The following PRELID2 variants were observed in gnomAD, a reference collection of about 807,000 sequenced individuals.
The protein encoded by PRELID2 is PRELI domain-containing protein 2.
PRELID2 carries 25 observed loss-of-function variants against 28.4 expected under a neutral mutation model. That is an observed-to-expected ratio of 0.88 (90% CI 0.64 to 1.23). The LOEUF (loss-of-function observed/expected upper bound fraction) is 1.23. PRELID2 is among the 50% of genes most tolerant of loss of function. PRELID2 has a pLI of 0.00. For synonymous variants in PRELID2, 76 were observed against 71.6 expected (o/e 1.06, Z -0.31); for missense variants, 201 against 214.4 (o/e 0.94, Z 0.39).
At chr5:145,341,163 G>C in the PRELID2 span, among the ~76,000 whole-genome samples, 1 of 151,466 alleles carries the variant, frequency 6.6e-6, no homozygotes, top group Non-Finnish European at 1.5e-5. Context: ...TACCAGATGT[G>C]CAAATATCAG....
the PRELID2 span, among the ~76,000 whole-genome samples, chr5:145,359,174 T>C: frequency 6.6e-6 from 1 of 152,226 alleles, no homozygotes; most frequent in Admixed American, 6.5e-5. Context: ...TGATTAAGCC[T>C]GTGCTTGACA....
chr5:145,632,041 C>T (rs1241147075), intron 1 of PRELID2, among the ~76,000 whole-genome samples: 1 of 152,188 alleles, frequency 6.6e-6, no homozygotes. Flanking sequence ...AAGGGGAATG[C>T]CAAGGTAAAA....
At chr5:145,551,511 G>C (rs896240783) in intron 1 of PRELID2, among the ~76,000 whole-genome samples, 1 of 152,058 alleles carries the variant, frequency 6.6e-6, no homozygotes, top group Non-Finnish European at 1.5e-5. Context: ...CTTTGACTTG[G>C]CAACCCAATC....
the PRELID2 span, among the ~76,000 whole-genome samples, chr5:145,315,331 G>A: frequency 6.6e-6 from 1 of 152,088 alleles, no homozygotes; most frequent in African/African-American, 2.4e-5. Flanking sequence ...GCCTCCCAAA[G>A]TGCTGGGATT....
rs1554078386 is a variant in PRELID2, at chr5:145,600,451, A to ATG, written n.71-127137_71-127136insCA. 4.1e-4 allele frequency among the ~76,000 whole-genome samples: 57 copies of ATG among 138,356 alleles called. 4 individuals are homozygous for ATG. The highest frequency in any genetic ancestry group is 1.7e-3 in the African/African-American group (54 of 32,450). The allele number at this position is 138,356 out of a possible 152,430, so 90.8% of individuals were successfully genotyped here. On this transcript the variant is annotated intron_variant and non_coding_transcript_variant, in intron 1 of 2. Transcript: ENST00000510259. Reference sequence around the variant, plus strand: ...AAAAAAAAAATATATATATATATATATATGTATCTCACAGGTGTGATGGGG... The same window carrying ATG: ...AAAAAAAAAATATATATATATATATATGTATGTATCTCACAGGTGTGATGGGG...
chr5:145,596,123 T>C (rs1455101148), intron 1 of PRELID2, among the ~76,000 whole-genome samples: 1 of 128,798 alleles, frequency 7.8e-6, no homozygotes. Context: ...AAAAAAAGTC[T>C]GTTTAGGCTC....
chr5:145,715,675 C>T (rs1485090544), intron 1 of PRELID2, among the ~76,000 whole-genome samples: 1 of 152,156 alleles, frequency 6.6e-6, no homozygotes, highest in African/African-American at 2.4e-5. Flanking sequence ...GGTTTCTGTA[C>T]TTCACACCCA....
At chr5:145,422,769 C>A in the PRELID2 span, among the ~76,000 whole-genome samples, 1 of 151,172 alleles carries the variant, frequency 6.6e-6, no homozygotes, top group African/African-American at 2.4e-5. Flanking sequence ...TGAATTTGAT[C>A]CTGTCATTAT....
At chr5:145,684,423 C>T (rs1754996547) in intron 1 of PRELID2, among the ~76,000 whole-genome samples, 1 of 151,750 alleles carries the variant, frequency 6.6e-6, no homozygotes, top group African/African-American at 2.4e-5. Context: ...GACTGTAGGT[C>T]GTGGGAGAGA....
intron 1 of PRELID2, among the ~76,000 whole-genome samples, chr5:145,604,899 A>G (rs1196841190): frequency 7.0e-6 from 1 of 143,136 alleles, no homozygotes; most frequent in African/African-American, 2.6e-5. Context: ...ATATATATAT[A>G]TATATTCTAT....
chr5:145,488,915 C>G (rs1561492832), intron 1 of PRELID2, among the ~76,000 whole-genome samples: 1 of 152,196 alleles, frequency 6.6e-6, no homozygotes. Context: ...GTCCATTTAC[C>G]ATTTCTAATA....
At chr5:145,728,855 G>A (rs1581106551) in intron 1 of PRELID2, 2 of 949,900 alleles carry the variant, frequency 2.1e-6, no homozygotes, top group Non-Finnish European at 3.5e-6. Context: ...ACCTGAAGAT[G>A]TCTTTGACTG....
chr5:145,491,634 T>G (rs931142791), intron 1 of PRELID2, among the ~76,000 whole-genome samples: 6 of 152,230 alleles, frequency 3.9e-5, no homozygotes, highest in African/African-American at 1.4e-4. Flanking sequence ...TATTGTACAA[T>G]AGATCTCTTA....
chr5:145,825,051 C>A (rs559612777), intron 1 of PRELID2, among the ~76,000 whole-genome samples: 8 of 151,572 alleles, frequency 5.3e-5, no homozygotes, highest in African/African-American at 1.5e-4. Flanking sequence ...AATAGTGAAA[C>A]CCTGTCTCTA....
intron 1 of PRELID2, among the ~76,000 whole-genome samples, chr5:145,700,708 G>T (rs375062554): frequency 6.6e-6 from 1 of 152,048 alleles, no homozygotes; most frequent in African/African-American, 2.4e-5. Context: ...TATTCGTCTC[G>T]GCCCTGGGGA....
chr5:145,531,419 G>A (rs1191357056), intron 1 of PRELID2, among the ~76,000 whole-genome samples: 1 of 152,154 alleles, frequency 6.6e-6, no homozygotes, highest in Non-Finnish European at 1.5e-5. Context: ...GACACATGTG[G>A]CTGAGGCACT....
rs13186831 is a variant in PRELID2, at chr5:145,689,563, A to T, written n.70+75368T>A. The stretch of plus-strand genomic sequence containing the variant: ...CAAAGATGACTTTGAGCTGAGAAAC[A>T]ATAGCTTAGTATTCAACACATCAGA... On this transcript the variant is annotated intron_variant and non_coding_transcript_variant, in intron 1 of 2. Transcript: ENST00000510259. Among the ~76,000 whole-genome samples the T allele has an allele frequency of 1.1e-3, 170 of 152,330 alleles. 2 individuals are homozygous for T. The highest frequency in any genetic ancestry group is 3.4e-3 in the Middle Eastern group (1 of 294).
At chr5:145,733,367 A>C (rs903838931) in intron 1 of PRELID2, among the ~76,000 whole-genome samples, 5 of 152,334 alleles carry the variant, frequency 3.3e-5, no homozygotes, top group African/African-American at 1.2e-4. Context: ...ATGGGAATGG[A>C]TGTGGGTTGG....
chr5:145,410,892 T>G, the PRELID2 span, among the ~76,000 whole-genome samples: 1 of 152,088 alleles, frequency 6.6e-6, no homozygotes, highest in Admixed American at 6.6e-5. Flanking sequence ...CAAAGTCTCA[T>G]CTGAGTCAAA....
Sources: allele counts gnomAD v4.1 joint callset (sites outside exome capture counted in the v4.1 genomes callset), GRCh38; gene constraint gnomAD v4.1.1; transcripts MANE v1.5; gene names NCBI Gene and HGNC (gene_info 2026-07-23, HGNC 2026-07-21).